Variants in ARHGAP12 observed in about 807,000 individuals in gnomAD.
The protein encoded by ARHGAP12 is rho GTPase-activating protein 12.
ARHGAP12 carries 64 observed loss-of-function variants against 108.6 expected under a neutral mutation model. The ratio of observed to expected loss-of-function variants is 0.59; its 90% CI spans 0.48 to 0.73. The LOEUF (loss-of-function observed/expected upper bound fraction) is 0.73. ARHGAP12 is among the 30% of genes least tolerant of loss of function. The pLI is 0.00. For synonymous variants in ARHGAP12, 312 were observed against 337.2 expected (o/e 0.93, Z 0.82); for missense variants, 940 against 1,005.9 (o/e 0.93, Z 0.89).
chr10:31,821,218 G>A (rs1472025435), intron 11 of ARHGAP12, among the ~76,000 whole-genome samples: 2 of 152,122 alleles, frequency 1.3e-5, no homozygotes, highest in Non-Finnish European at 1.5e-5. Context: ...GCAATTTAAT[G>A]AGGAACTATG....
chr10:31,918,569 T>C (rs1839661745), intron 1 of ARHGAP12, among the ~76,000 whole-genome samples: 1 of 152,140 alleles, frequency 6.6e-6, no homozygotes, highest in African/African-American at 2.4e-5. Flanking sequence ...AGCCAAGGAT[T>C]GGTGGCACAT....
chr10:31,849,763 CA>C (rs1836601709), intron 6 of ARHGAP12, among the ~76,000 whole-genome samples: 1 of 152,188 alleles, frequency 6.6e-6, no homozygotes, highest in South Asian at 2.1e-4. Flanking sequence ...AATAGTATCA[CA>C]AAACTGAGGA....
chr10:31,822,538 A>G (rs1835452625), intron 11 of ARHGAP12, among the ~76,000 whole-genome samples: 1 of 152,258 alleles, frequency 6.6e-6, no homozygotes, highest in Non-Finnish European at 1.5e-5. Context: ...CCTAGAATTT[A>G]TCCTGATGAT....
chr10:31,811,688 T>TATTTTTTTA (rs1835029373), intron 15 of ARHGAP12, among the ~76,000 whole-genome samples: 1 of 152,120 alleles, frequency 6.6e-6, no homozygotes, highest in African/African-American at 2.4e-5. Context: ...TTATTTTTTT[T>TATTTTTTTA]AAGACAGTCT....
intron 4 of ARHGAP12, among the ~76,000 whole-genome samples, chr10:31,855,679 A>C (rs1398498847): frequency 6.6e-6 from 1 of 152,218 alleles, no homozygotes; most frequent in Non-Finnish European, 1.5e-5. Context: ...GAGTGCAGTA[A>C]AACTTTTAGA....
Position 31,812,501 on chromosome 10 carries a change from G to A in ARHGAP12, c.1951+206C>T, listed in dbSNP as rs539934284. On this transcript the variant is annotated intron_variant, in intron 15 of 19. Coordinates refer to ENST00000344936, the MANE Select transcript of ARHGAP12 (RefSeq NM_018287.7). The stretch of plus-strand genomic sequence containing the variant: ...AACAGGCTTTCTAAAAGTTTAGTGT[G>A]TTATTTATGTCTGTCCACTACTTTA... 1.5e-5 allele frequency: 5 copies of A among 328,656 alleles called. No individual in the cohort carries two copies. The East Asian group carries it at 2.6e-4, about 17-fold the overall frequency. The allele number at this position is 328,656 out of a possible 1,614,324, so 20.4% of individuals were successfully genotyped here. A position where few individuals can be genotyped will look rare whatever the true frequency, so the allele number is the denominator to read the frequency against.
chr10:31,838,335 G>A (rs973459150), intron 9 of ARHGAP12, among the ~76,000 whole-genome samples: 1 of 152,126 alleles, frequency 6.6e-6, no homozygotes, highest in Admixed American at 6.5e-5. Context: ...GCACTCAGGA[G>A]CCAGAGCATG....
intron 5 of ARHGAP12, 94 bp downstream of exon 5, chr10:31,853,972 A>G: frequency 7.9e-7 from 1 of 1,263,710 alleles, no homozygotes; most frequent in Non-Finnish European, 1.1e-6. Context: ...TATTTTCATG[A>G]GTTTTTTCTT....
chr10:31,906,376 A>T (rs542572157), intron 3 of ARHGAP12, among the ~76,000 whole-genome samples: 1 of 152,190 alleles, frequency 6.6e-6, no homozygotes, highest in African/African-American at 2.4e-5. Flanking sequence ...CCGTGACCCC[A>T]ATTTTTAAAT....
intron 3 of ARHGAP12, among the ~76,000 whole-genome samples, chr10:31,891,006 C>CTA (rs1838405115): frequency 6.6e-6 from 1 of 152,040 alleles, no homozygotes; most frequent in Admixed American, 6.6e-5. Flanking sequence ...ATAAACACCT[C>CTA]TATTAGCAGC....
chr10:31,891,400 A>G (rs1295910530), intron 3 of ARHGAP12, among the ~76,000 whole-genome samples: 1 of 152,208 alleles, frequency 6.6e-6, no homozygotes, highest in Non-Finnish European at 1.5e-5. Flanking sequence ...AGAATGTTGA[A>G]TATTGGCTCC....
chr10:31,815,233 C>G (rs1288345806), intron 13 of ARHGAP12, among the ~76,000 whole-genome samples: 1 of 152,002 alleles, frequency 6.6e-6, no homozygotes, highest in South Asian at 2.1e-4. Context: ...AAGCTAAAAA[C>G]CTTTGCTCTG....
chr10:31,826,392 T>C lies in ARHGAP12; in HGVS notation c.1449-7A>G, dbSNP rs747622536. ...AGAAGACAACCAGTTCTTTCTGTAA[T>C]TATAAAGATGACCGATTAAAGCTCC... On this transcript the variant is annotated splice_region_variant and splice_polypyrimidine_tract_variant and intron_variant, in intron 10 of 19. Transcript: ENST00000344936. 2 of 1,604,980 alleles carry C rather than the reference T, an allele frequency of 1.2e-6. No homozygotes were observed. The highest frequency in any genetic ancestry group is 1.7e-6 in the Non-Finnish European group (2 of 1,175,894).
chr10:31,893,365 CA>C (rs964847963), intron 3 of ARHGAP12, among the ~76,000 whole-genome samples: 41 of 151,798 alleles, frequency 2.7e-4, no homozygotes, highest in African/African-American at 9.4e-4. Flanking sequence ...TAATGAAGAA[CA>C]AAAGAGAGAA....
intron 3 of ARHGAP12, among the ~76,000 whole-genome samples, chr10:31,901,463 T>C (rs1838920500): frequency 7.7e-6 from 1 of 130,502 alleles, no homozygotes; most frequent in Admixed American, 9.3e-5. Context: ...GCCTGGAAAG[T>C]GGAAGGTTGC....
At chr10:31,920,365 G>A (rs920497865) in intron 1 of ARHGAP12, among the ~76,000 whole-genome samples, 1 of 142,772 alleles carries the variant, frequency 7.0e-6, no homozygotes, top group Non-Finnish European at 1.5e-5. Context: ...CAGGAGAATC[G>A]CTTGAACCCA....
At chr10:31,868,132 AG>A (rs1445973219) in intron 3 of ARHGAP12, among the ~76,000 whole-genome samples, 1 of 152,010 alleles carries the variant, frequency 6.6e-6, no homozygotes, top group Non-Finnish European at 1.5e-5. Context: ...CTGGGGGCGG[AG>A]GATGCAATAA....
At chr10:31,920,150 A>T (rs1213678277) in intron 1 of ARHGAP12, among the ~76,000 whole-genome samples, 2 of 149,874 alleles carry the variant, frequency 1.3e-5, no homozygotes, top group African/African-American at 2.5e-5. Flanking sequence ...AAACATTCAA[A>T]CTCTTAGAAA....
chr10:31,880,367 C>T lies in ARHGAP12; in HGVS notation c.685-18709G>A, dbSNP rs549855599. 2.8e-3 allele frequency among the ~76,000 whole-genome samples: 426 copies of T among 152,096 alleles called. 1 individual carries two copies. Among genetic ancestry groups the T allele is most frequent in the Non-Finnish European group, 4.8e-3 (328 of 67,994 alleles). On this transcript the variant is annotated intron_variant, in intron 3 of 19. Transcript: ENST00000344936. ...CTCATGCCTGTAATCCCAACACTTT[C>T]GGAGGCCAGGACAGGAGGACTGCTT... is the stretch of plus-strand genomic sequence containing the variant.
Sources: gnomAD v4.1 joint callset for allele counts (sites outside exome capture counted in the v4.1 genomes callset) on GRCh38, gnomAD v4.1.1 for gene constraint, MANE v1.5 for transcripts, NCBI Gene and HGNC (gene_info 2026-07-23, HGNC 2026-07-21) for gene names.